Variants in EPB41L2 observed in about 807,000 individuals in gnomAD.
The protein encoded by EPB41L2 is erythrocyte membrane protein band 4.1 like 2.
In EPB41L2, 43 loss-of-function variants were observed where a neutral mutation model predicts 113.0. The observed-to-expected ratio is 0.38, with a 90% CI of 0.30 to 0.49. The LOEUF is 0.49. EPB41L2 is among the 20% of genes least tolerant of loss of function. EPB41L2 has a pLI of 0.95. For missense variants in EPB41L2, 1,147 were observed against 1,223.4 expected (o/e 0.94, Z 0.93); for synonymous variants, 442 against 436.7 (o/e 1.01, Z -0.15).
chr6:130,939,912 T>C (rs1810228418), intron 3 of EPB41L2, among the ~76,000 whole-genome samples: 1 of 152,180 alleles, frequency 6.6e-6, no homozygotes, highest in Admixed American at 6.5e-5. Flanking sequence ...TTAAAGATGG[T>C]AGAATGAACA....
chr6:130,918,761 G>T (rs1013056403), intron 4 of EPB41L2, among the ~76,000 whole-genome samples: 1 of 152,002 alleles, frequency 6.6e-6, no homozygotes, highest in Non-Finnish European at 1.5e-5. Flanking sequence ...CTTTATAATG[G>T]GTTGAATTAA....
intron 1 of EPB41L2, among the ~76,000 whole-genome samples, chr6:131,000,979 A>AGAGC (rs759803647): frequency 6.6e-6 from 1 of 151,648 alleles, no homozygotes; most frequent in Non-Finnish European, 1.5e-5. Flanking sequence ...AATGATCTGG[A>AGAGC]GTGCAGCTCC....
chr6:131,041,782 T>G lies in EPB41L2; in HGVS notation c.-15+21373A>C, dbSNP rs1794503401. Among the ~76,000 whole-genome samples, 6 of 152,194 alleles carry G rather than the reference T, an allele frequency of 3.9e-5. No individual in the cohort carries two copies. The South Asian group carries it at 1.2e-3, about 32-fold the overall frequency. ...AAAAGAAGAGAAACAAAGTACATAT[T>G]AAGATACTGTGTTCAAGAGACATAT... On this transcript the variant is annotated intron_variant, in intron 1 of 19. Coordinates refer to ENST00000337057, the MANE Select transcript of EPB41L2 (RefSeq NM_001431.4).
intron 1 of EPB41L2, among the ~76,000 whole-genome samples, chr6:131,024,389 C>A (rs949017362): frequency 6.6e-6 from 1 of 152,012 alleles, no homozygotes; most frequent in African/African-American, 2.4e-5. Flanking sequence ...GGTCTTGTAT[C>A]CAGGCCAAGG....
chr6:131,039,246 G>A (rs150921318), intron 1 of EPB41L2, among the ~76,000 whole-genome samples: 136 of 152,280 alleles, frequency 8.9e-4, no homozygotes, highest in Middle Eastern at 3.4e-3. Flanking sequence ...AGGTTAGGAC[G>A]CAAACCCCTT....
At chr6:130,965,125 C>A (rs1774723404) in intron 1 of EPB41L2, among the ~76,000 whole-genome samples, 1 of 152,158 alleles carries the variant, frequency 6.6e-6, no homozygotes, top group African/African-American at 2.4e-5. Context: ...GGGTCAGTAT[C>A]TTATCCCCTT....
At chr6:130,865,744 G>A (rs1235467834) in intron 16 of EPB41L2, 110 bp from the exon 17 acceptor site, 7 of 1,106,380 alleles carry the variant, frequency 6.3e-6, no homozygotes, top group East Asian at 2.5e-5. Flanking sequence ...TGTGGTTTGC[G>A]TGTTTGCAGT....
At chr6:131,025,070 CT>C (rs1207207893) in intron 1 of EPB41L2, among the ~76,000 whole-genome samples, 2 of 151,796 alleles carry the variant, frequency 1.3e-5, no homozygotes, top group Non-Finnish European at 2.9e-5. Context: ...TAAGCCTATG[CT>C]TTTTAGATTG....
At chr6:130,854,144 C>T (rs144146297) in intron 19 of EPB41L2, among the ~76,000 whole-genome samples, 11 of 152,216 alleles carry the variant, frequency 7.2e-5, no homozygotes, top group African/African-American at 2.4e-4. Context: ...CTATTTTGTT[C>T]TCTCATAGCA....
intron 3 of EPB41L2, among the ~76,000 whole-genome samples, chr6:130,936,022 A>G (rs1307275126): frequency 1.3e-5 from 2 of 152,226 alleles, no homozygotes; most frequent in Non-Finnish European, 2.9e-5. Context: ...CACAAATTTT[A>G]TACAAAAAAA....
At chr6:130,860,177 G>A (rs75782473) in intron 18 of EPB41L2, among the ~76,000 whole-genome samples, 3,363 of 152,322 alleles carry the variant, frequency 0.022, 122 homozygotes, top group African/African-American at 0.077. Flanking sequence ...AAAAGTCAAA[G>A]ACAAGGACAA....
At chr6:130,968,724 T>C (rs1275917368) in intron 1 of EPB41L2, among the ~76,000 whole-genome samples, 3 of 139,602 alleles carry the variant, frequency 2.1e-5, no homozygotes, top group Non-Finnish European at 4.5e-5. Flanking sequence ...TGGAGTGCTA[T>C]AAAACCTTTT....
intron 19 of EPB41L2, among the ~76,000 whole-genome samples, chr6:130,852,861 A>C (rs1779168142): frequency 6.6e-6 from 1 of 152,172 alleles, no homozygotes; most frequent in Non-Finnish European, 1.5e-5. Flanking sequence ...TTGGAGCATC[A>C]GGTTCAATGC....
At chr6:131,038,716 A>G (rs1793829147) in intron 1 of EPB41L2, among the ~76,000 whole-genome samples, 1 of 151,988 alleles carries the variant, frequency 6.6e-6, no homozygotes, top group Admixed American at 6.5e-5. Flanking sequence ...TTTTCAAGGC[A>G]CAGCATTTTG....
intron 15 of EPB41L2, among the ~76,000 whole-genome samples, chr6:130,869,328 G>A (rs1582882260): frequency 6.6e-6 from 1 of 152,306 alleles, no homozygotes; most frequent in Non-Finnish European, 1.5e-5. Flanking sequence ...TTGATGTGGT[G>A]CTTCTAGGAA....
At chr6:131,045,552 G>C (rs1429092780) in intron 1 of EPB41L2, among the ~76,000 whole-genome samples, 1 of 152,052 alleles carries the variant, frequency 6.6e-6, no homozygotes, top group Non-Finnish European at 1.5e-5. Context: ...AAATTGAAAG[G>C]ATAGTCAGAG....
In EPB41L2 at chr6:130,954,043, T is replaced by TC. The variant is rs201259465; in HGVS notation, c.705+1061_705+1062insG. ...TCTTTTGCTAGTCCTTTTCTTTCTT[T>TC]TTTTTTTTTTTTTTTTTTTTTTTTT... On this transcript the variant is annotated intron_variant, in intron 3 of 19. Coordinates refer to ENST00000337057, the MANE Select transcript of EPB41L2 (RefSeq NM_001431.4). Among the ~76,000 whole-genome samples the TC allele has an allele frequency of 9.4e-4, 35 of 37,128 alleles. 1 individual carries two copies. The highest frequency in any genetic ancestry group is 8.1e-3 in the Middle Eastern group (1 of 124). The allele number at this position is 37,128 out of a possible 152,430, so 24.4% of individuals were successfully genotyped here.
rs1455557747 is a variant in EPB41L2 at position 130,956,551 on chromosome 6, T to C, written c.-14-52A>G. Reference sequence around the variant, plus strand: ...TGTCATTTTGTAAGTTCTCTCAAATTTAGTTTGGTTGCGAGGGGCATGGTA... The same window carrying C: ...TGTCATTTTGTAAGTTCTCTCAAATCTAGTTTGGTTGCGAGGGGCATGGTA... On this transcript the variant is annotated intron_variant, in intron 1 of 19. Coordinates refer to ENST00000337057, the MANE Select transcript of EPB41L2 (RefSeq NM_001431.4). The C allele has an allele frequency of 4.0e-6, 6 of 1,517,916 alleles. No individual in the cohort carries two copies. The Admixed American group carries it at 8.2e-5, about 21-fold the overall frequency. The allele number at this position is 1,517,916 out of a possible 1,614,324, so 94.0% of individuals were successfully genotyped here.
rs557460650 is a variant in EPB41L2, at chr6:130,966,825, T to C, written c.-14-10326A>G. 6.6e-5 allele frequency among the ~76,000 whole-genome samples: 10 copies of C among 152,334 alleles called. No homozygotes were observed. The South Asian group carries it at 2.1e-3, about 32-fold the overall frequency. On this transcript the variant is annotated intron_variant, in intron 1 of 19. Coordinates refer to ENST00000337057, the MANE Select transcript of EPB41L2 (RefSeq NM_001431.4). ...GCCAATTTGCCTTGTCACACAGCTC[T>C]AGCCACACAAATGAACATCGACTCC...
Sources: gnomAD v4.1 joint callset for allele counts (sites outside exome capture counted in the v4.1 genomes callset) on GRCh38, gnomAD v4.1.1 for gene constraint, MANE v1.5 for transcripts, NCBI Gene and HGNC (gene_info 2026-07-23, HGNC 2026-07-21) for gene names.